Variants in DNMT1 observed in about 807,000 individuals in gnomAD.
DNMT1 encodes the protein DNA (cytosine-5)-methyltransferase 1.
A neutral mutation model predicts 205.3 loss-of-function variants in DNMT1; 24 were observed. That is an observed-to-expected ratio of 0.12 (90% CI 0.08 to 0.16). DNMT1 has a LOEUF of 0.16. Ranked by LOEUF, DNMT1 falls within the 10% of genes least tolerant of loss-of-function variation. DNMT1 has a pLI of 1.00. For synonymous variants in DNMT1, 817 were observed against 839.8 expected, an observed-to-expected ratio of 0.97 and a Z score of 0.47; for missense variants, 1,293 against 2,177.7, an observed-to-expected ratio of 0.59 and a Z score of 8.09.
intron 10 of DNMT1, among the ~76,000 whole-genome samples, chr19:10,167,396 C>T (rs1483731644): frequency 1.3e-5 from 2 of 152,106 alleles, no homozygotes; most frequent in African/African-American, 4.8e-5. Context: ...GGGGTTTCAC[C>T]ATGTTGGCCA....
chr19:10,157,524 C>G (rs993007896), intron 17 of DNMT1, among the ~76,000 whole-genome samples: 1 of 152,134 alleles, frequency 6.6e-6, no homozygotes, highest in Non-Finnish European at 1.5e-5. Context: ...GCTTACAAAC[C>G]TGCTCATCTA....
intron 9 of DNMT1, among the ~76,000 whole-genome samples, chr19:10,171,710 C>A (rs924278628): frequency 2.6e-5 from 4 of 151,934 alleles, no homozygotes. Flanking sequence ...GAGGCTGAGG[C>A]AGGAGAATGG....
chr19:10,193,370 C>CT (rs1303574019), intron 1 of DNMT1, among the ~76,000 whole-genome samples: 1 of 151,824 alleles, frequency 6.6e-6, no homozygotes, highest in Admixed American at 6.6e-5. Flanking sequence ...AAAAGTGTTT[C>CT]TTTTTTTGAG....
At chr19:10,152,091 TG>T (rs1325420795) in intron 22 of DNMT1, among the ~76,000 whole-genome samples, 1 of 114,686 alleles carries the variant, frequency 8.7e-6, no homozygotes, top group African/African-American at 3.5e-5. Flanking sequence ...ACCTGGGAGG[TG>T]GAGATTACAG....
intron 5 of DNMT1, among the ~76,000 whole-genome samples, chr19:10,179,449 G>A (rs578161903): frequency 6.6e-6 from 1 of 152,086 alleles, no homozygotes; most frequent in South Asian, 2.1e-4. Flanking sequence ...GGGCAGGGTG[G>A]TCTCGAACTC....
In DNMT1 at chr19:10,142,043, G is replaced by T. The variant is rs775786809; in HGVS notation, c.3294C>A (p.Arg1098=). 6.2e-7 allele frequency: 1 copy of T among 1,612,382 alleles called. No homozygotes were observed. Among genetic ancestry groups the T allele is most frequent in the South Asian group, 1.1e-5 (1 of 91,038 alleles). ...GGGGCACCACCTCGAGGAAGTAGAA[G>T]CGGTTGGGGCCGCCCATGGAGTACA... ...VQVYSMGGPN[R]FYFLEAYNAK... is the part of the protein sequence containing the mutation. Residue 1098 remains arginine (R), a synonymous_variant, in exon 30 of 41, where the codon CGC becomes CGA. Coordinates refer to ENST00000359526, the MANE Select transcript of DNMT1 (RefSeq NM_001130823.3).
rs4804126 is a variant in DNMT1 at position 10,180,007 on chromosome 19, G to A, written c.493+180C>T. ...TCTGTCATTAAAAAAAAAAAAAAAAGAAAGAAAGAAAGAGAGTTAAGCAGG... is the reference window on the plus strand; with the variant it reads ...TCTGTCATTAAAAAAAAAAAAAAAAAAAAGAAAGAAAGAGAGTTAAGCAGG... On this transcript the variant is annotated intron_variant, in intron 5 of 40. Coordinates refer to ENST00000359526, the MANE Select transcript of DNMT1 (RefSeq NM_001130823.3). The A allele has an allele frequency of 0.34, 50,647 of 148,370 alleles. 7,838 individuals carry two copies. The highest frequency in any genetic ancestry group is 0.37 in the East Asian group (1,446 of 3,876). 9.2% of individuals were successfully genotyped at this position (148,370 alleles called of 1,614,324 possible). A position where few individuals can be genotyped will look rare whatever the true frequency, so the allele number is the denominator to read the frequency against.
chr19:10,177,509 T>C, intron 5 of DNMT1, 142 bp from the exon 6 acceptor site: 1 of 806,076 alleles, frequency 1.2e-6, no homozygotes, highest in Non-Finnish European at 2.0e-6. Context: ...ATTTTTATTC[T>C]AGTCAACAAC....
chr19:10,187,500 C>A (rs1007566512), intron 1 of DNMT1, among the ~76,000 whole-genome samples: 1 of 151,838 alleles, frequency 6.6e-6, no homozygotes, highest in African/African-American at 2.4e-5. Flanking sequence ...ACTCGGGAGG[C>A]AGAGGCGGGA....
intron 1 of DNMT1, 55 bp downstream of exon 1, chr19:10,194,765 C>A: frequency 6.5e-7 from 1 of 1,542,880 alleles, no homozygotes; most frequent in East Asian, 2.5e-5. Context: ...AAGCGACCCC[C>A]CACCCAGCGC....
At chr19:10,167,702 G>A (rs1427292377) in intron 10 of DNMT1, among the ~76,000 whole-genome samples, 1 of 152,200 alleles carries the variant, frequency 6.6e-6, no homozygotes, top group East Asian at 1.9e-4. Flanking sequence ...ACTGTTCTAG[G>A]CCTCTGGCCT....
Position 10,133,546 on chromosome 19 carries a change from G to T in DNMT1, c.*121C>A. On this transcript the variant is annotated 3_prime_UTR_variant, in exon 41 of 41. Transcript: ENST00000359526. The surrounding 1 kb of genome is among the most constrained non-coding windows in gnomAD (Gnocchi z 4.1). ...AACCTCACACAACAGCTTCATGTCA[G>T]CCAAGGCCACAAACACCATGTACCA... The T allele has an allele frequency of 8.4e-7, 1 of 1,191,902 alleles. No individual in the cohort carries two copies. Among genetic ancestry groups the T allele is most frequent in the Non-Finnish European group, 1.2e-6 (1 of 824,164 alleles). The allele number at this position is 1,191,902 out of a possible 1,614,324, so 73.8% of individuals were successfully genotyped here. A position where few individuals can be genotyped will look rare whatever the true frequency, so the allele number is the denominator to read the frequency against.
Position 10,137,991 on chromosome 19 carries a change from G to A in DNMT1, c.4134C>T (p.Phe1378=). The change falls in exon 36 of 41, where the codon TTC becomes TTT. Residue 1378 remains phenylalanine (F), a synonymous_variant. Transcript: ENST00000359526. The surrounding 1 kb of genome is among the most constrained non-coding windows in gnomAD (Gnocchi z 6.4). ...SNITRLSSGP[F]RTITVRDTMS... Reference sequence around the variant, plus strand: ...TCGTGTCTCGCACCGTGATGGTCCGGAAAGGACCCGAGCTCAACCTGCAAC... The same window carrying A: ...TCGTGTCTCGCACCGTGATGGTCCGAAAAGGACCCGAGCTCAACCTGCAAC... 6.2e-7 allele frequency: 1 copy of A among 1,611,160 alleles called. No homozygotes were observed. Among genetic ancestry groups the A allele is most frequent in the Non-Finnish European group, 8.5e-7 (1 of 1,178,998 alleles).
chr19:10,134,460 C>A (rs564143522), intron 39 of DNMT1, among the ~76,000 whole-genome samples, 153 bp from the exon 40 acceptor site: 34 of 152,330 alleles, frequency 2.2e-4, no homozygotes, highest in Middle Eastern at 6.8e-3. Flanking sequence ...GGCCCAAAAC[C>A]CTTCCAGCAC....
intron 12 of DNMT1, 32 bp from the exon 13 acceptor site, chr19:10,162,780 A>C: frequency 1.2e-6 from 2 of 1,611,710 alleles, no homozygotes; most frequent in Admixed American, 3.3e-5. Flanking sequence ...AGCAAGTAGC[A>C]GCTTAGAAAC....
At chr19:10,144,505 A>G (rs531114844) in intron 28 of DNMT1, 1 of 191,122 alleles carries the variant, frequency 5.2e-6, no homozygotes. Context: ...GGTGGCTGAC[A>G]CTGCTCAAAT....
chr19:10,141,102 T>C lies in DNMT1; in HGVS notation c.3394+3A>G. On this transcript the variant is annotated splice_donor_region_variant and intron_variant, in intron 31 of 40. Transcript: ENST00000359526. ...TTGAAAAGAAACTCATACAATGACGTACCTTTTCCCTTGCCCTTCCCTTTG... is the reference window on the plus strand; with the variant it reads ...TTGAAAAGAAACTCATACAATGACGCACCTTTTCCCTTGCCCTTCCCTTTG... 6.2e-7 allele frequency: 1 copy of C among 1,614,066 alleles called. No individual in the cohort carries two copies.
In DNMT1 at chr19:10,166,170, C is replaced by T. The variant is rs73922333; in HGVS notation, c.891+428G>A. Among the ~76,000 whole-genome samples the T allele has an allele frequency of 4.0e-3, 605 of 152,232 alleles. 6 individuals are homozygous for T. Among genetic ancestry groups the T allele is most frequent in the African/African-American group, 0.014 (574 of 41,532 alleles). ...TGATGCTTTAGGGTTTAAACGCATG[C>T]ACTTGGCTAAACTAGACTGGGGAGG... On this transcript the variant is annotated intron_variant, in intron 11 of 40. Transcript: ENST00000359526.
intron 37 of DNMT1, among the ~76,000 whole-genome samples, chr19:10,136,743 ATTAT>A (rs2089490170): frequency 6.8e-6 from 1 of 146,590 alleles, no homozygotes; most frequent in African/African-American, 2.5e-5. Flanking sequence ...ACCTGCTTTT[ATTAT>A]TTATTTATTG....
Sources: allele counts gnomAD v4.1 joint callset (sites outside exome capture counted in the v4.1 genomes callset), GRCh38; gene constraint gnomAD v4.1.1; non-coding constraint Gnocchi (gnomAD v3.1); transcripts MANE v1.5; gene names NCBI Gene and HGNC (gene_info 2026-07-23, HGNC 2026-07-21).